PER3: variants seen among roughly 807,000 people sequenced by gnomAD.
PER3 encodes the protein period circadian regulator 3.
PER3 carries 107 observed loss-of-function variants against 127.2 expected under a neutral mutation model. The ratio of observed to expected loss-of-function variants is 0.84; its 90% CI spans 0.72 to 0.99. The LOEUF is 0.99. PER3 is among the 50% of genes least tolerant of loss of function. The probability of loss-of-function intolerance (pLI) is 0.00; values close to 1 mark genes in which losing one functional copy is unlikely to be tolerated. For synonymous variants in PER3, 618 were observed against 585.8 expected, an observed-to-expected ratio of 1.05 and a Z score of -0.79; for missense variants, 1,560 against 1,525.8, an observed-to-expected ratio of 1.02 and a Z score of -0.37.
At chr1:7,828,081 G>A (rs1454103720) in intron 18 of PER3, among the ~76,000 whole-genome samples, 9 of 152,154 alleles carry the variant, frequency 5.9e-5, no homozygotes, top group Non-Finnish European at 1.2e-4. Context: ...AAGTTTTCAT[G>A]TGAACTGGAT....
chr1:7,806,807 AAAAAAAT>A (rs1489664123), intron 10 of PER3, among the ~76,000 whole-genome samples: 7 of 84,208 alleles, frequency 8.3e-5, no homozygotes, highest in East Asian at 1.1e-3. Flanking sequence ...AAAAAAAAAA[AAAAAAAT>A]ATATATATAT....
At chr1:7,784,611 T>C (rs1451817347) in intron 1 of PER3, 43 bp from the exon 2 acceptor site, 1 of 338,734 alleles carries the variant, frequency 3.0e-6, no homozygotes, top group Non-Finnish European at 5.3e-6. Flanking sequence ...CGTCGGACTG[T>C]CTGTTCCATT....
intron 10 of PER3, among the ~76,000 whole-genome samples, chr1:7,805,235 C>A (rs903324686): frequency 6.6e-6 from 1 of 151,918 alleles, no homozygotes; most frequent in African/African-American, 2.4e-5. Flanking sequence ...TGATGTCTAT[C>A]TTTTTTAAGC....
At position 7,829,753 on chromosome 1, in the gene PER3, G is replaced by A. The variant is rs1273082739; in HGVS notation, c.2887-81G>A. 10 of 1,228,466 alleles carry A rather than the reference G, an allele frequency of 8.1e-6. No homozygotes were observed. In the African/African-American group the frequency reaches 1.0e-4, roughly 13 times the overall value. 76.1% of individuals were successfully genotyped at this position (1,228,466 alleles called of 1,614,324 possible). A position where few individuals can be genotyped will look rare whatever the true frequency, so the allele number is the denominator to read the frequency against. On this transcript the variant is annotated intron_variant, in intron 18 of 21. Coordinates refer to ENST00000377532, the MANE Select transcript of PER3 (RefSeq NM_001377275.1). Reference sequence around the variant, plus strand: ...CCACAGGTAACTGAAACTACAGAAAGCAAAACCATGAATAAAGGAGGACTA... The same window carrying A: ...CCACAGGTAACTGAAACTACAGAAAACAAAACCATGAATAAAGGAGGACTA...
intron 13 of PER3, among the ~76,000 whole-genome samples, chr1:7,812,684 C>T (rs1460722125): frequency 2.0e-5 from 3 of 149,572 alleles, no homozygotes; most frequent in Non-Finnish European, 4.4e-5. Context: ...GCTTATGCAG[C>T]TACTTTAGAA....
At chr1:7,815,458 T>A (rs953414759) in intron 13 of PER3, among the ~76,000 whole-genome samples, 30 of 152,266 alleles carry the variant, frequency 2.0e-4, no homozygotes, top group African/African-American at 7.2e-4. Flanking sequence ...CAAGGAATGT[T>A]AGTAGAGTTA....
intron 10 of PER3, among the ~76,000 whole-genome samples, chr1:7,806,323 G>A (rs1335218523): frequency 6.6e-6 from 1 of 152,098 alleles, no homozygotes; most frequent in East Asian, 1.9e-4. Flanking sequence ...AGCCTTCCCA[G>A]GGATCACTTC....
intron 14 of PER3, among the ~76,000 whole-genome samples, chr1:7,819,771 G>A (rs551145032): frequency 1.0e-4 from 15 of 149,156 alleles, no homozygotes; most frequent in Non-Finnish European, 1.2e-4. Flanking sequence ...TTCTTAAAAC[G>A]TTATGAGATT....
intron 8 of PER3, among the ~76,000 whole-genome samples, 187 bp from the exon 9 acceptor site, chr1:7,802,858 CAT>C (rs1226933631): frequency 6.6e-6 from 1 of 152,216 alleles, no homozygotes; most frequent in Non-Finnish European, 1.5e-5. Flanking sequence ...AGATGACCAA[CAT>C]GTGTTAGATT....
chr1:7,833,029 G>C (rs2097340557), intron 19 of PER3, among the ~76,000 whole-genome samples: 1 of 151,834 alleles, frequency 6.6e-6, no homozygotes, highest in South Asian at 2.1e-4. Flanking sequence ...AATTTCACTT[G>C]TATTTTCTTC....
Position 7,835,985 on chromosome 1 carries a change from G to C in PER3, c.3398+40G>C, listed in dbSNP as rs766540560. The C allele has an allele frequency of 2.8e-6, 4 of 1,411,194 alleles. No individual in the cohort carries two copies. In the African/African-American group the frequency reaches 5.8e-5, roughly 20 times the overall value. The allele number at this position is 1,411,194 out of a possible 1,614,324, so 87.4% of individuals were successfully genotyped here. ...TAGAAAACCCACTTTTTATATTTTT[G>C]TGGTTTCTTTTTTTCTTTTTTTTCT... is the stretch of plus-strand genomic sequence containing the variant. On this transcript the variant is annotated intron_variant, in intron 20 of 21. Transcript: ENST00000377532.
rs1454300502 is a variant in PER3, at chr1:7,827,238, G to A, written c.2309G>A (p.Gly770Glu). ...AACACCGGCTCTGGTCCCCGCAGGGGAGCGCATCAGAACGCACAGCCCTGC... is the reference window on the plus strand; with the variant it reads ...AACACCGGCTCTGGTCCCCGCAGGGAAGCGCATCAGAACGCACAGCCCTGC... ...SSNTGSGPRR[G>E]AHQNAQPCCP... Residue 770 changes from glycine to glutamate, a missense_variant, in exon 18 of 22, where the codon GGA (glycine) becomes GAA (glutamate). Around this residue, in one of 3 missense-constraint regions of PER3, gnomAD observed 1,332 missense variants for 1,223.6 expected, o/e 1.09. Transcript: ENST00000377532. 1.2e-6 allele frequency: 2 copies of A among 1,613,978 alleles called. No homozygotes were observed. Among genetic ancestry groups the A allele is most frequent in the Non-Finnish European group, 1.7e-6 (2 of 1,179,974 alleles).
At chr1:7,825,938 T>C in intron 16 of PER3, among the ~76,000 whole-genome samples, 1 of 150,226 alleles carries the variant, frequency 6.7e-6, no homozygotes, top group Non-Finnish European at 1.5e-5. Flanking sequence ...AGGCGTGGTG[T>C]GGCACACGCT....
chr1:7,804,364 C>G (rs1303628612), intron 10 of PER3, among the ~76,000 whole-genome samples: 1 of 143,000 alleles, frequency 7.0e-6, no homozygotes, highest in Non-Finnish European at 1.5e-5. Context: ...CTTTTTATAT[C>G]AGCCTTCCGC....
intron 15 of PER3, 33 bp from the exon 16 acceptor site, chr1:7,820,434 T>C (rs2097270993): frequency 6.4e-7 from 1 of 1,573,996 alleles, no homozygotes; most frequent in Non-Finnish European, 8.6e-7. Context: ...TGGGAATTTT[T>C]CTTTTCACTG....
intron 6 of PER3, among the ~76,000 whole-genome samples, chr1:7,794,506 T>C (rs1480029062): frequency 1.3e-5 from 2 of 151,890 alleles, no homozygotes; most frequent in African/African-American, 4.8e-5. Context: ...AAAATAAAAA[T>C]AAATAATAAT....
intron 19 of PER3, among the ~76,000 whole-genome samples, chr1:7,831,580 T>G (rs1387341497): frequency 6.6e-6 from 1 of 152,192 alleles, no homozygotes; most frequent in African/African-American, 2.4e-5. Flanking sequence ...AAGTATAAGT[T>G]TTCCTTGAAT....
In PER3 at chr1:7,844,055, T is replaced by A; in HGVS notation, c.*1300T>A. 2 of 981,272 alleles carry A rather than the reference T, an allele frequency of 2.0e-6. No individual in the cohort carries two copies. The highest frequency in any genetic ancestry group is 2.6e-6 in the Non-Finnish European group (2 of 780,862). The allele number at this position is 981,272 out of a possible 1,614,324, so 60.8% of individuals were successfully genotyped here. The stretch of plus-strand genomic sequence containing the variant: ...TTTATTTTTTTTTCCTTTTTTTGTT[T>A]TTGGTTTTTTATGGTTTTTTAAGGA... On this transcript the variant is annotated 3_prime_UTR_variant, in exon 22 of 22. Transcript: ENST00000377532.
At chr1:7,836,779 C>G in intron 20 of PER3, 1 of 405,800 alleles carries the variant, frequency 2.5e-6, no homozygotes, top group South Asian at 5.4e-5. Flanking sequence ...TCTCTTTCTT[C>G]CATACACCTC....
Sources: allele counts gnomAD v4.1 joint callset (sites outside exome capture counted in the v4.1 genomes callset), GRCh38; gene constraint gnomAD v4.1.1; regional missense constraint gnomAD v4.1.1; transcripts MANE v1.5; gene names NCBI Gene and HGNC (gene_info 2026-07-23, HGNC 2026-07-21).